SLC44A5: variants seen among roughly 807,000 people sequenced by gnomAD.
SLC44A5 encodes choline transporter-like protein 5.
SLC44A5 carries 57 observed loss-of-function variants against 101.8 expected under a neutral mutation model. The ratio of observed to expected loss-of-function variants is 0.56; its 90% CI spans 0.45 to 0.70. The LOEUF is 0.70. Ranked by LOEUF, SLC44A5 falls within the 30% of genes least tolerant of loss-of-function variation. The pLI, the probability that SLC44A5 is intolerant of heterozygous loss-of-function variation, is 0.00. For synonymous variants in SLC44A5, 281 were observed against 290.9 expected (o/e 0.97, Z 0.35); for missense variants, 737 against 853.1 (o/e 0.86, Z 1.70).
intron 2 of SLC44A5, among the ~76,000 whole-genome samples, chr1:75,507,776 T>G (rs1056201995): frequency 6.6e-6 from 1 of 152,176 alleles, no homozygotes; most frequent in Admixed American, 6.5e-5. Context: ...GATTCAATCT[T>G]GAGAAGTTGT....
At chr1:75,403,997 G>T (rs1662680961) in intron 2 of SLC44A5, among the ~76,000 whole-genome samples, 1 of 152,026 alleles carries the variant, frequency 6.6e-6, no homozygotes, top group African/African-American at 2.4e-5. Context: ...CTTTAGGGAA[G>T]AATATAAATG....
At chr1:75,409,353 C>G (rs1663120853) in intron 2 of SLC44A5, among the ~76,000 whole-genome samples, 1 of 152,060 alleles carries the variant, frequency 6.6e-6, no homozygotes, top group South Asian at 2.1e-4. Flanking sequence ...CAATAGAGGC[C>G]TAAAGCCCAG....
chr1:75,438,509 G>A (rs1186367609), intron 2 of SLC44A5, among the ~76,000 whole-genome samples: 1 of 152,094 alleles, frequency 6.6e-6, no homozygotes, highest in Admixed American at 6.6e-5. Context: ...CCTAAGTAGG[G>A]AGCACTGTGC....
At chr1:75,266,318 TACACACACAC>T (rs61250669) in intron 6 of SLC44A5, among the ~76,000 whole-genome samples, 3,746 of 146,924 alleles carry the variant, frequency 0.025, 58 homozygotes, top group Non-Finnish European at 0.04. Context: ...GGCATAGAAA[TACACACACAC>T]ACACACACAC....
chr1:75,612,779 T>G (rs1199828580), upstream of SLC44A5, among the ~76,000 whole-genome samples: 1 of 151,452 alleles, frequency 6.6e-6, no homozygotes, highest in Non-Finnish European at 1.5e-5. Context: ...CTTAAGTAAT[T>G]GAGCAAGAAG....
At chr1:75,487,462 T>C (rs930022058) in intron 2 of SLC44A5, among the ~76,000 whole-genome samples, 1 of 152,160 alleles carries the variant, frequency 6.6e-6, no homozygotes, top group Non-Finnish European at 1.5e-5. Flanking sequence ...TACAGAAAAG[T>C]GTGCATCACA....
At chr1:75,661,128 A>G in the SLC44A5 span, among the ~76,000 whole-genome samples, 5 of 152,256 alleles carry the variant, frequency 3.3e-5, no homozygotes, top group East Asian at 9.7e-4. Context: ...TAGTACTTGC[A>G]TACAAACAGA....
chr1:75,213,583 C>G (rs746241910), intron 22 of SLC44A5, 122 bp downstream of exon 22: 1 of 727,406 alleles, frequency 1.4e-6, no homozygotes, highest in African/African-American at 1.8e-5. Context: ...AGTTGGCTGA[C>G]ACCTTGATCT....
At chr1:75,247,399 A>G (rs1418244753) in intron 7 of SLC44A5, among the ~76,000 whole-genome samples, 1 of 152,122 alleles carries the variant, frequency 6.6e-6, no homozygotes, top group Admixed American at 6.6e-5. Context: ...GTTAAATTTG[A>G]GATGCCAACC....
At chr1:75,393,345 T>C (rs945549255) in intron 3 of SLC44A5, among the ~76,000 whole-genome samples, 1 of 152,180 alleles carries the variant, frequency 6.6e-6, no homozygotes, top group African/African-American at 2.4e-5. Flanking sequence ...TTAAAAAGAC[T>C]CTCTGTATAC....
intron 2 of SLC44A5, among the ~76,000 whole-genome samples, chr1:75,425,315 A>C (rs1346070904): frequency 6.6e-6 from 1 of 152,242 alleles, no homozygotes; most frequent in Non-Finnish European, 1.5e-5. Context: ...TGGTTGATTA[A>C]CTGAGTGATA....
At chr1:75,549,131 T>C (rs922956973) in intron 1 of SLC44A5, among the ~76,000 whole-genome samples, 3 of 123,872 alleles carry the variant, frequency 2.4e-5, no homozygotes, top group Admixed American at 7.9e-5. Context: ...TAAGCTCTGA[T>C]TTTATTTCCA....
At chr1:75,446,787 T>C (rs1665608233) in intron 2 of SLC44A5, among the ~76,000 whole-genome samples, 1 of 152,182 alleles carries the variant, frequency 6.6e-6, no homozygotes, top group Non-Finnish European at 1.5e-5. Flanking sequence ...TAATTTTGTT[T>C]GCATTATGTT....
intron 4 of SLC44A5, among the ~76,000 whole-genome samples, chr1:75,317,487 G>C (rs1228508548): frequency 6.6e-6 from 1 of 152,088 alleles, no homozygotes; most frequent in Non-Finnish European, 1.5e-5. Flanking sequence ...ATGTTTTTGT[G>C]GTTTCATGAA....
At chr1:75,243,089 T>C in intron 7 of SLC44A5, 78 bp from the exon 8 acceptor site, 1 of 1,454,136 alleles carries the variant, frequency 6.9e-7, no homozygotes. Flanking sequence ...GACTTCTAAA[T>C]TATCCACCAT....
At chr1:75,238,159 CTT>C (rs112497459) in intron 10 of SLC44A5, among the ~76,000 whole-genome samples, 41 of 140,880 alleles carry the variant, frequency 2.9e-4, no homozygotes, top group African/African-American at 2.6e-4. Context: ...TTTTATTTTC[CTT>C]TTTTTTTTTT....
chr1:75,290,930 T>C (rs1380902423), intron 5 of SLC44A5, among the ~76,000 whole-genome samples: 1 of 152,150 alleles, frequency 6.6e-6, no homozygotes, highest in Non-Finnish European at 1.5e-5. Flanking sequence ...AGCAAGAAGA[T>C]ACACCCAAAT....
chr1:75,638,912 C>A, the SLC44A5 span, among the ~76,000 whole-genome samples: 1 of 151,924 alleles, frequency 6.6e-6, no homozygotes. Context: ...TATGAATGAA[C>A]CTGGAGGACA....
chr1:75,233,919 G>T, intron 12 of SLC44A5, 67 bp downstream of exon 12: 1 of 1,187,404 alleles, frequency 8.4e-7, no homozygotes, highest in Non-Finnish European at 1.2e-6. Context: ...TCTGGTAACT[G>T]ATAACAGCGA....
Sources: allele counts gnomAD v4.1 joint callset (sites outside exome capture counted in the v4.1 genomes callset), GRCh38; gene constraint gnomAD v4.1.1; transcripts MANE v1.5; gene names NCBI Gene and HGNC (gene_info 2026-07-23, HGNC 2026-07-21).